KDM1A: variants seen among roughly 807,000 people sequenced by gnomAD.
KDM1A encodes the protein lysine-specific histone demethylase 1A.
KDM1A carries 49 observed loss-of-function variants against 109.4 expected under a neutral mutation model. The ratio of observed to expected loss-of-function variants is 0.45; its 90% CI spans 0.36 to 0.57. The LOEUF (loss-of-function observed/expected upper bound fraction) is 0.57, where lower values mean the gene tolerates loss of function less well. Among genes scored for constraint, KDM1A ranks in the 20% least tolerant of loss-of-function variants. The pLI is 0.00. For synonymous variants in KDM1A, 380 were observed against 415.4 expected (o/e 0.91, Z 1.04); for missense variants, 668 against 1,116.6 (o/e 0.60, Z 5.73).
intron 10 of KDM1A, among the ~76,000 whole-genome samples, chr1:23,066,351 A>G (rs969361201): frequency 3.3e-5 from 5 of 152,216 alleles, no homozygotes; most frequent in African/African-American, 1.2e-4. Flanking sequence ...GGGAAGAAAC[A>G]GGTCAAATTT....
At chr1:23,077,524 C>CT (rs931602333) in intron 16 of KDM1A, among the ~76,000 whole-genome samples, 164 bp downstream of exon 16, 1 of 152,184 alleles carries the variant, frequency 6.6e-6, no homozygotes, top group African/African-American at 2.4e-5. Flanking sequence ...TTTGGTGGTT[C>CT]TAACCCTATC....
chr1:23,070,591 G>A (rs905914107), intron 12 of KDM1A, among the ~76,000 whole-genome samples: 2 of 152,098 alleles, frequency 1.3e-5, no homozygotes, highest in Admixed American at 6.5e-5. Flanking sequence ...GGCAGATCAC[G>A]AGGTCAAGAG....
At position 23,019,617 on chromosome 1, in the gene KDM1A, G is replaced by A. The variant is rs765582095; in HGVS notation, c.21G>A (p.Ala7=). The stretch of plus-strand genomic sequence containing the variant: ...CCGAGATGTTATCTGGGAAGAAGGC[G>A]GCAGCCGCGGCGGCGGCGGCTGCAG... MLSGKK[A]AAAAAAAAAA... The change falls in exon 1 of 21, where the codon GCG becomes GCA. Residue 7 remains alanine (A), a synonymous_variant. Transcript: ENST00000400181. The A allele has an allele frequency of 9.8e-6, 14 of 1,421,888 alleles. No homozygotes were observed. Among genetic ancestry groups the A allele is most frequent in the Non-Finnish European group, 1.3e-5 (14 of 1,097,502 alleles). The allele number at this position is 1,421,888 out of a possible 1,614,324, so 88.1% of individuals were successfully genotyped here.
intron 9 of KDM1A, among the ~76,000 whole-genome samples, chr1:23,063,005 CA>C (rs1643043403): frequency 6.6e-6 from 1 of 152,072 alleles, no homozygotes; most frequent in Non-Finnish European, 1.5e-5. Flanking sequence ...ATTCATATTT[CA>C]GGGAACATTT....
At position 23,050,472 on chromosome 1, in the gene KDM1A, T is replaced by C. The variant is rs199551895; in HGVS notation, c.663T>C (p.Ser221=). ...QEAACFPDII[S]GPQQTQKVFL... ...CAGCCTGTTTTCCAGATATTATCAG[T>C]GGACCACAACAGACCCAGAAGGTTT... is the stretch of plus-strand genomic sequence containing the variant. Residue 221 remains serine, a synonymous_variant, in exon 4 of 21, where the codon AGT becomes AGC. Transcript: ENST00000400181. 21 of 1,613,430 alleles carry C rather than the reference T, an allele frequency of 1.3e-5. No individual in the cohort carries two copies. The highest frequency in any genetic ancestry group is 5.0e-5 in the Admixed American group (3 of 59,928).
At position 23,036,460 on chromosome 1, in the gene KDM1A, G is replaced by A. The variant is rs566101030; in HGVS notation, c.517+5826G>A. 3.0e-3 allele frequency among the ~76,000 whole-genome samples: 221 copies of A among 74,886 alleles called. 1 individual carries two copies. Among genetic ancestry groups the A allele is most frequent in the African/African-American group, 0.01 (205 of 19,848 alleles). 49.1% of individuals were successfully genotyped at this position (74,886 alleles called of 152,430 possible). ...TCTTGCCACGCCCCCCCCCTCCCCC[G>A]CCCCCTCACCACTCCAGCCTTTTTG... On this transcript the variant is annotated intron_variant, in intron 2 of 20. Transcript: ENST00000400181.
At chr1:23,038,225 T>C (rs571811301) in intron 2 of KDM1A, among the ~76,000 whole-genome samples, 15 of 151,140 alleles carry the variant, frequency 9.9e-5, no homozygotes, top group Middle Eastern at 3.4e-3. Context: ...GATTATGAAA[T>C]AGATAACTTT....
chr1:23,057,410 C>T, intron 7 of KDM1A, 74 bp from the exon 8 acceptor site: 2 of 1,049,758 alleles, frequency 1.9e-6, no homozygotes, highest in Middle Eastern at 2.0e-4. Flanking sequence ...GAAGACAGAG[C>T]CGTGGTATGG....
intron 19 of KDM1A, 65 bp from the exon 20 acceptor site, chr1:23,082,155 A>G (rs935133073): frequency 1.3e-6 from 2 of 1,558,388 alleles, no homozygotes; most frequent in Non-Finnish European, 1.8e-6. Flanking sequence ...CTGCTTTTCC[A>G]CCTTTCAAGG....
Position 23,065,036 on chromosome 1 carries a change from C to G in KDM1A, c.1168-1024C>G, listed in dbSNP as rs189915169. Among the ~76,000 whole-genome samples, 409 of 152,308 alleles carry G rather than the reference C, an allele frequency of 2.7e-3. 4 individuals carry two copies. The highest frequency in any genetic ancestry group is 9.1e-3 in the African/African-American group (379 of 41,564). ...CACTGTGTTGCAGGGTAGAAATCCACCTGCCTTCTAATGTGGTACTTAAAA... is the reference window on the plus strand; with the variant it reads ...CACTGTGTTGCAGGGTAGAAATCCAGCTGCCTTCTAATGTGGTACTTAAAA... On this transcript the variant is annotated intron_variant, in intron 9 of 20. Transcript: ENST00000400181.
intron 9 of KDM1A, among the ~76,000 whole-genome samples, chr1:23,059,674 A>G (rs1642943895): frequency 6.6e-6 from 1 of 152,236 alleles, no homozygotes; most frequent in Non-Finnish European, 1.5e-5. Flanking sequence ...TCCTATACTT[A>G]GTATGACAAT....
chr1:23,024,689 A>G (rs555923238), intron 1 of KDM1A, among the ~76,000 whole-genome samples: 9 of 152,356 alleles, frequency 5.9e-5, no homozygotes, highest in African/African-American at 2.2e-4. Flanking sequence ...TCCTTTAGGA[A>G]TGGTGGCCTT....
intron 10 of KDM1A, among the ~76,000 whole-genome samples, chr1:23,067,528 G>A (rs1470884411): frequency 2.6e-5 from 4 of 152,124 alleles, no homozygotes; most frequent in Non-Finnish European, 5.9e-5. Context: ...GTAAAAGGTC[G>A]CTCCTCCTGA....
intron 1 of KDM1A, among the ~76,000 whole-genome samples, chr1:23,026,407 T>TG (rs1641806424): frequency 1.3e-5 from 2 of 150,910 alleles, no homozygotes; most frequent in African/African-American, 4.9e-5. Flanking sequence ...TTTTTTTTTT[T>TG]GAGGCAGTGT....
At chr1:23,062,936 C>T (rs1421948239) in intron 9 of KDM1A, among the ~76,000 whole-genome samples, 1 of 152,082 alleles carries the variant, frequency 6.6e-6, no homozygotes, top group Non-Finnish European at 1.5e-5. Flanking sequence ...TATACTCTGA[C>T]CTATGCTGTC....
intron 15 of KDM1A, 124 bp from the exon 16 acceptor site, chr1:23,077,104 T>C (rs1272866613): frequency 5.8e-6 from 5 of 860,526 alleles, no homozygotes; most frequent in Non-Finnish European, 8.6e-6. Flanking sequence ...ATTTGTTCTT[T>C]AGTTTGCCTT....
intron 14 of KDM1A, among the ~76,000 whole-genome samples, chr1:23,072,691 G>T (rs1208457589): frequency 6.6e-6 from 1 of 152,134 alleles, no homozygotes; most frequent in Admixed American, 6.6e-5. Context: ...TGTTGCCCAG[G>T]CTGGAGTGCA....
At chr1:23,024,222 T>A (rs1195835264) in intron 1 of KDM1A, among the ~76,000 whole-genome samples, 1 of 152,146 alleles carries the variant, frequency 6.6e-6, no homozygotes, top group Non-Finnish European at 1.5e-5. Context: ...AATCCCCCAT[T>A]GTAATTAGCT....
At chr1:23,026,587 G>A (rs1054514604) in intron 1 of KDM1A, among the ~76,000 whole-genome samples, 3 of 151,832 alleles carry the variant, frequency 2.0e-5, no homozygotes, top group Non-Finnish European at 4.4e-5. Flanking sequence ...TCGCTATTTT[G>A]CCCAGGCTGG....
Sources: allele counts gnomAD v4.1 joint callset (sites outside exome capture counted in the v4.1 genomes callset), GRCh38; gene constraint gnomAD v4.1.1; transcripts MANE v1.5; gene names NCBI Gene and HGNC (gene_info 2026-07-23, HGNC 2026-07-21).